ZC3H3: variants seen among roughly 807,000 people sequenced by gnomAD.
The protein encoded by ZC3H3 is zinc finger CCCH-type containing 3.
A neutral mutation model predicts 77.3 loss-of-function variants in ZC3H3; 36 were observed. That is an observed-to-expected ratio of 0.47 (90% confidence interval 0.36 to 0.61). The LOEUF is 0.61. ZC3H3 is among the 20% of genes least tolerant of loss of function. The pLI, the probability that ZC3H3 is intolerant of heterozygous loss-of-function variation, is 0.00. For synonymous variants in ZC3H3, 626 were observed against 555.2 expected (o/e 1.13, Z -1.79); for missense variants, 1,331 against 1,312.2 (o/e 1.01, Z -0.22).
chr8:143,483,226 G>A (rs1820955629), intron 4 of ZC3H3, among the ~76,000 whole-genome samples: 1 of 152,248 alleles, frequency 6.6e-6, no homozygotes, highest in Non-Finnish European at 1.5e-5. Flanking sequence ...CTTAAGTGGG[G>A]CTTTCCACTG....
At chr8:143,441,491 G>A (rs1007036468) in intron 9 of ZC3H3, among the ~76,000 whole-genome samples, 10 of 152,314 alleles carry the variant, frequency 6.6e-5, no homozygotes, top group South Asian at 2.1e-4. Flanking sequence ...GAGGGAGCCC[G>A]GGAAGGTGGG....
intron 3 of ZC3H3, among the ~76,000 whole-genome samples, chr8:143,517,124 G>T (rs1425650270): frequency 6.6e-6 from 1 of 152,216 alleles, no homozygotes; most frequent in East Asian, 1.9e-4. Flanking sequence ...AGTCACTCAA[G>T]CAACACAAGC....
At chr8:143,535,966 C>G (rs892797031) in intron 3 of ZC3H3, among the ~76,000 whole-genome samples, 1 of 152,214 alleles carries the variant, frequency 6.6e-6, no homozygotes, top group Non-Finnish European at 1.5e-5. Flanking sequence ...GGCTCAGCAG[C>G]CGCCGCCCTC....
intron 3 of ZC3H3, among the ~76,000 whole-genome samples, chr8:143,514,628 T>C (rs1241946599): frequency 6.6e-6 from 1 of 152,086 alleles, no homozygotes; most frequent in Non-Finnish European, 1.5e-5. Context: ...CCCACAAACC[T>C]GTACCCTGCT....
intron 4 of ZC3H3, among the ~76,000 whole-genome samples, chr8:143,498,976 C>T (rs945200331): frequency 1.4e-5 from 2 of 141,638 alleles, no homozygotes; most frequent in East Asian, 2.1e-4. Context: ...GGGCACAGGG[C>T]GGGCAGGGGC....
intron 9 of ZC3H3, among the ~76,000 whole-genome samples, chr8:143,459,088 C>A (rs1255204966): frequency 2.0e-5 from 3 of 152,180 alleles, no homozygotes; most frequent in Non-Finnish European, 2.9e-5. Context: ...CAAACTCTTA[C>A]AAAATGTTTA....
intron 3 of ZC3H3, among the ~76,000 whole-genome samples, chr8:143,509,977 A>AC (rs1821821901): frequency 6.6e-6 from 1 of 152,146 alleles, no homozygotes; most frequent in African/African-American, 2.4e-5. Flanking sequence ...CCGACTGCAC[A>AC]CAGGACTGGA....
intron 4 of ZC3H3, chr8:143,484,854 C>A: frequency 2.2e-6 from 1 of 455,286 alleles, no homozygotes. Context: ...TGGGACAGCC[C>A]CTCCGAAGAC....
chr8:143,476,815 C>CCTG (rs1563849498), intron 4 of ZC3H3, among the ~76,000 whole-genome samples: 1 of 152,248 alleles, frequency 6.6e-6, no homozygotes, highest in Non-Finnish European at 1.5e-5. Context: ...TCCCCATGGC[C>CCTG]CTGCAGCTAC....
chr8:143,513,722 G>T (rs1169656183), intron 3 of ZC3H3, among the ~76,000 whole-genome samples: 1 of 152,210 alleles, frequency 6.6e-6, no homozygotes, highest in South Asian at 2.1e-4. Context: ...GGCAGCTCAG[G>T]CAACAGCTCT....
At chr8:143,510,410 G>C (rs1299121939) in intron 3 of ZC3H3, among the ~76,000 whole-genome samples, 1 of 152,236 alleles carries the variant, frequency 6.6e-6, no homozygotes, top group Non-Finnish European at 1.5e-5. Context: ...GTCATTCCCA[G>C]ATGGGCAGCT....
At chr8:143,537,013 G>A (rs1010700775) in intron 2 of ZC3H3, among the ~76,000 whole-genome samples, 4 of 151,926 alleles carry the variant, frequency 2.6e-5, no homozygotes, top group African/African-American at 7.3e-5. Flanking sequence ...GGGGGACGAG[G>A]GCCAGAGAGA....
intron 9 of ZC3H3, among the ~76,000 whole-genome samples, chr8:143,451,957 G>T (rs569161236): frequency 1.3e-5 from 2 of 152,326 alleles, no homozygotes; most frequent in South Asian, 4.2e-4. Flanking sequence ...AAGGGATCGG[G>T]GCACGACTGG....
At chr8:143,517,024 C>T (rs1404763383) in intron 3 of ZC3H3, among the ~76,000 whole-genome samples, 1 of 152,208 alleles carries the variant, frequency 6.6e-6, no homozygotes, top group Non-Finnish European at 1.5e-5. Flanking sequence ...AATGACAACA[C>T]TGTCAGCTGG....
intron 1 of ZC3H3, among the ~76,000 whole-genome samples, chr8:143,540,964 C>T (rs966078614): frequency 2.0e-5 from 3 of 152,192 alleles, no homozygotes; most frequent in Non-Finnish European, 4.4e-5. Flanking sequence ...TCAAAAAAAA[C>T]CGGGCGTCAA....
intron 9 of ZC3H3, among the ~76,000 whole-genome samples, chr8:143,463,364 T>C (rs1226184201): frequency 1.3e-5 from 2 of 151,676 alleles, no homozygotes; most frequent in Non-Finnish European, 2.9e-5. Context: ...AGCATCTGGG[T>C]GCCAGAAAGC....
chr8:143,514,509 T>A (rs1407972765), intron 3 of ZC3H3, among the ~76,000 whole-genome samples: 1 of 152,174 alleles, frequency 6.6e-6, no homozygotes, highest in Non-Finnish European at 1.5e-5. Flanking sequence ...GAGACTGACA[T>A]GCACACGGTG....
intron 3 of ZC3H3, chr8:143,523,384 G>A (rs778696440): frequency 2.0e-6 from 2 of 985,422 alleles, no homozygotes; most frequent in South Asian, 4.7e-5. Flanking sequence ...GAATGCTGCC[G>A]CGACGCCCCT....
rs186875132 is a variant in ZC3H3 at position 143,529,532 on chromosome 8, G to A, written c.1561+6725C>T. The stretch of plus-strand genomic sequence containing the variant: ...ACTCAGAGAGGTCACATGAACAGCC[G>A]TCAAGGCAGGCCCTTCTGAGACCGA... On this transcript the variant is annotated intron_variant, in intron 3 of 11. Transcript: ENST00000262577. 2.5e-3 allele frequency among the ~76,000 whole-genome samples: 381 copies of A among 152,338 alleles called. 5 individuals are homozygous for A. The highest frequency in any genetic ancestry group is 3.8e-3 in the Non-Finnish European group (258 of 68,018).
Sources: allele counts gnomAD v4.1 joint callset (sites outside exome capture counted in the v4.1 genomes callset), GRCh38; gene constraint gnomAD v4.1.1; transcripts MANE v1.5; gene names NCBI Gene and HGNC (gene_info 2026-07-23, HGNC 2026-07-21).